Variants in TTYH2 observed in about 807,000 individuals in gnomAD.
The protein encoded by TTYH2 is protein tweety homolog 2.
A neutral mutation model predicts 68.3 loss-of-function variants in TTYH2; 49 were observed. The observed-to-expected ratio is 0.72, with a 90% confidence interval of 0.57 to 0.91. The LOEUF is 0.91. TTYH2 is among the 40% of genes least tolerant of loss of function. TTYH2 has a pLI of 0.00. For synonymous variants in TTYH2, 272 were observed against 300.8 expected (o/e 0.90, Z 0.99); for missense variants, 631 against 700.4 (o/e 0.90, Z 1.12).
chr17:74,246,840 G>A (rs1053121292), intron 6 of TTYH2, among the ~76,000 whole-genome samples: 4 of 152,124 alleles, frequency 2.6e-5, no homozygotes, highest in African/African-American at 9.7e-5. Context: ...TTACATGGAT[G>A]GCAGCAGGCA....
chr17:74,248,877 G>A, intron 6 of TTYH2, 134 bp from the exon 7 acceptor site: 2 of 1,512,390 alleles, frequency 1.3e-6, no homozygotes, highest in African/African-American at 1.4e-5. Flanking sequence ...AACCCAGGAG[G>A]CTGGCTCCAG....
intron 6 of TTYH2, chr17:74,248,100 G>A (rs1464689314): frequency 5.5e-6 from 1 of 181,288 alleles, no homozygotes; most frequent in Non-Finnish European, 1.1e-5. Context: ...TCCTGAAGGA[G>A]GACGGGGCCA....
chr17:74,243,476 A>G lies in TTYH2; in HGVS notation c.731+7A>G. 2 of 1,613,840 alleles carry G rather than the reference A, an allele frequency of 1.2e-6. No individual in the cohort carries two copies. The highest frequency in any genetic ancestry group is 1.7e-6 in the Non-Finnish European group (2 of 1,179,780). On this transcript the variant is annotated splice_region_variant and intron_variant, in intron 5 of 13. Coordinates refer to ENST00000269346, the MANE Select transcript of TTYH2 (RefSeq NM_032646.6). The stretch of plus-strand genomic sequence containing the variant: ...CCAAGTGTCTCCTGGCCTCGTGAGT[A>G]TCCCTACCCGTGGACCTGGGACAAA...
chr17:74,225,444 G>A (rs2050320264), intron 2 of TTYH2, among the ~76,000 whole-genome samples: 1 of 152,154 alleles, frequency 6.6e-6, no homozygotes, highest in African/African-American at 2.4e-5. Flanking sequence ...CCACTGCAGG[G>A]GCTCTGCAAA....
chr17:74,248,390 G>T (rs1365992899), intron 6 of TTYH2: 23 of 987,046 alleles, frequency 2.3e-5, no homozygotes, highest in Middle Eastern at 5.2e-4. Flanking sequence ...GTGCTGTGGG[G>T]CCAGGTCCTC....
At chr17:74,251,589 C>G (rs2050630091) in intron 10 of TTYH2, among the ~76,000 whole-genome samples, 1 of 152,028 alleles carries the variant, frequency 6.6e-6, no homozygotes, top group Non-Finnish European at 1.5e-5. Flanking sequence ...TGAATCCATC[C>G]ATTTCTCTTT....
In TTYH2 at chr17:74,239,693, G is replaced by A. The variant is rs1268090311; in HGVS notation, c.635+2179G>A. Among the ~76,000 whole-genome samples, 1 of 152,150 alleles carries A rather than the reference G, an allele frequency of 6.6e-6. No individual in the cohort carries two copies. The highest frequency in any genetic ancestry group is 2.4e-5 in the African/African-American group (1 of 41,436). On this transcript the variant is annotated intron_variant, in intron 4 of 13. Coordinates refer to ENST00000269346, the MANE Select transcript of TTYH2 (RefSeq NM_032646.6). This position sits in a 1 kb window ranked among gnomAD's most constrained non-coding sequence, Gnocchi z 5.3. ...ATCTCCGCCATGTCCTGGATGCTCTGGATTGAAGGGACCTTGGCCCCACTC... is the reference window on the plus strand; with the variant it reads ...ATCTCCGCCATGTCCTGGATGCTCTAGATTGAAGGGACCTTGGCCCCACTC...
At position 74,243,574 on chromosome 17, in the gene TTYH2, G is replaced by A. The variant is rs2143760304; in HGVS notation, c.731+105G>A. The A allele has an allele frequency of 2.5e-6, 3 of 1,180,522 alleles. No homozygotes were observed. The East Asian group carries it at 7.2e-5, about 28-fold the overall frequency. 73.1% of individuals were successfully genotyped at this position (1,180,522 alleles called of 1,614,324 possible). A position where few individuals can be genotyped will look rare whatever the true frequency, so the allele number is the denominator to read the frequency against. ...CTCCAGAGTGTGGGGAAAATAGCCA[G>A]GCTGCCTGAGGCCACCTTCTGCCCC... On this transcript the variant is annotated intron_variant, in intron 5 of 13. Coordinates refer to ENST00000269346, the MANE Select transcript of TTYH2 (RefSeq NM_032646.6).
intron 6 of TTYH2, among the ~76,000 whole-genome samples, chr17:74,246,439 C>T (rs2050558361): frequency 6.6e-6 from 1 of 152,158 alleles, no homozygotes; most frequent in South Asian, 2.1e-4. Flanking sequence ...TCCTGGGAGG[C>T]ACACAGAAAA....
rs2050233250 is a variant in TTYH2 at position 74,217,590 on chromosome 17, A to G, written c.129+3874A>G. On this transcript the variant is annotated intron_variant, in intron 1 of 13. Transcript: ENST00000269346. The surrounding 1 kb of genome is among the most constrained non-coding windows in gnomAD (Gnocchi z 4.0). ...ATTGAGTCACGGTCATCAGACAGTC[A>G]TGCCGCGCCTGGGAGAGGGCTTAAT... 6.6e-6 allele frequency among the ~76,000 whole-genome samples: 1 copy of G among 152,186 alleles called. No homozygotes were observed. Among genetic ancestry groups the G allele is most frequent in the African/African-American group, 2.4e-5 (1 of 41,458 alleles).
At chr17:74,225,247 G>T (rs1248905380) in intron 2 of TTYH2, among the ~76,000 whole-genome samples, 1 of 152,070 alleles carries the variant, frequency 6.6e-6, no homozygotes, top group Non-Finnish European at 1.5e-5. Context: ...AGCCAATGTG[G>T]CCAGAGCAGA....
chr17:74,231,202 C>T (rs558893159), intron 3 of TTYH2, among the ~76,000 whole-genome samples: 23 of 152,324 alleles, frequency 1.5e-4, no homozygotes, highest in African/African-American at 5.5e-4. Flanking sequence ...GCAGGGGTGG[C>T]AGGGATGGGG....
At chr17:74,249,689 C>T (rs936767069) in intron 8 of TTYH2, among the ~76,000 whole-genome samples, 2 of 152,146 alleles carry the variant, frequency 1.3e-5, no homozygotes, top group African/African-American at 4.8e-5. Context: ...GAGGCCAGGG[C>T]TGCTGGTCCA....
intron 4 of TTYH2, among the ~76,000 whole-genome samples, chr17:74,242,033 C>G (rs557330169): frequency 9.8e-4 from 149 of 152,318 alleles, no homozygotes; most frequent in Non-Finnish European, 1.6e-3. Flanking sequence ...CTGCCTTGCC[C>G]CATCAACCTT....
At position 74,222,788 on chromosome 17, in the gene TTYH2, C is replaced by T. The variant is rs2050290175; in HGVS notation, c.302+131C>T. The T allele has an allele frequency of 1.5e-5, 14 of 936,980 alleles. No homozygotes were observed. The highest frequency in any genetic ancestry group is 3.5e-5 in the Admixed American group (1 of 28,174). 58.0% of individuals were successfully genotyped at this position (936,980 alleles called of 1,614,324 possible). ...GCTTGTCCCCAGATGAATGTTGTCC[C>T]TTTTTTTTTTTTTACCAAGCATCAG... On this transcript the variant is annotated intron_variant, in intron 2 of 13. Transcript: ENST00000269346. This position sits in a 1 kb window ranked among gnomAD's most constrained non-coding sequence, Gnocchi z 5.2.
intron 2 of TTYH2, among the ~76,000 whole-genome samples, chr17:74,225,452 A>G (rs540318097): frequency 1.7e-4 from 26 of 152,328 alleles, no homozygotes; most frequent in Non-Finnish European, 5.9e-5. Flanking sequence ...GGGGCTCTGC[A>G]AAGAGGTAGC....
In TTYH2 at chr17:74,249,974, G is replaced by A. The variant is rs1401927260; in HGVS notation, c.969G>A (p.Gln323=). The change falls in exon 9 of 14, where the codon CAG becomes CAA. Residue 323 remains glutamine (Q), a synonymous_variant. Coordinates refer to ENST00000269346, the MANE Select transcript of TTYH2 (RefSeq NM_032646.6). ...TTFQRALTTM[Q]IQVAGLLQFA... ...TCCAGCGCGCACTTACCACCATGCA[G>A]ATCCAGGTCGCGGGGCTGCTGCAGT... 3 of 1,614,010 alleles carry A rather than the reference G, an allele frequency of 1.9e-6. No homozygotes were observed. In the South Asian group the frequency reaches 3.3e-5, roughly 18 times the overall value.
rs554308403 is a variant in TTYH2, at chr17:74,259,947, C to T, written c.1525-182C>T. Among the ~76,000 whole-genome samples the T allele has an allele frequency of 1.1e-4, 16 of 152,206 alleles. No homozygotes were observed. The South Asian group carries it at 3.3e-3, about 32-fold the overall frequency. ...GAGTGGACATTGGAGGACAGCTGGT[C>T]TGTGTGTGCATTTTTTATTTGAGGC... On this transcript the variant is annotated intron_variant, in intron 13 of 13. Coordinates refer to ENST00000269346, the MANE Select transcript of TTYH2 (RefSeq NM_032646.6).
Position 74,253,270 on chromosome 17 carries a change from C to T in TTYH2, c.1445+4C>T, listed in dbSNP as rs747084748. ...ACGCCCCTGTCTCCGAGTACATGTA[C>T]GGCCTGCACACACACCCAGGCTGGG... is the stretch of plus-strand genomic sequence containing the variant. On this transcript the variant is annotated splice_donor_region_variant and intron_variant, in intron 12 of 13. Coordinates refer to ENST00000269346, the MANE Select transcript of TTYH2 (RefSeq NM_032646.6). The T allele has an allele frequency of 1.3e-5, 21 of 1,584,928 alleles. No individual in the cohort carries two copies. The highest frequency in any genetic ancestry group is 9.5e-5 in the African/African-American group (7 of 73,902).
Sources: gnomAD v4.1 joint callset for allele counts (sites outside exome capture counted in the v4.1 genomes callset) on GRCh38, gnomAD v4.1.1 for gene constraint, Gnocchi (gnomAD v3.1) non-coding constraint, MANE v1.5 for transcripts, NCBI Gene and HGNC (gene_info 2026-07-23, HGNC 2026-07-21) for gene names.